LOC400499: variants seen among roughly 807,000 people sequenced by gnomAD.
the LOC400499 span, among the ~76,000 whole-genome samples, chr16:11,445,681 GA>G: frequency 6.6e-6 from 1 of 152,186 alleles, no homozygotes; most frequent in Non-Finnish European, 1.5e-5. Context: ...GGGCTGAGGG[GA>G]CAGGACTGGG....
At chr16:11,416,816 G>A in the LOC400499 span, among the ~76,000 whole-genome samples, 2 of 152,110 alleles carry the variant, frequency 1.3e-5, no homozygotes, top group Non-Finnish European at 2.9e-5. Context: ...TCCTGGGGCC[G>A]CAGCAAGCCT....
the LOC400499 span, among the ~76,000 whole-genome samples, chr16:11,467,582 A>G: frequency 3.9e-5 from 6 of 152,176 alleles, no homozygotes; most frequent in Non-Finnish European, 7.3e-5. Flanking sequence ...TCTGCACTCC[A>G]GCCTGAGTGA....
chr16:11,418,976 G>A, the LOC400499 span, among the ~76,000 whole-genome samples: 1 of 152,104 alleles, frequency 6.6e-6, no homozygotes, highest in Non-Finnish European at 1.5e-5. Flanking sequence ...GACCATCCTG[G>A]CCAACAAGGC....
At chr16:11,493,044 G>C in the LOC400499 span, among the ~76,000 whole-genome samples, 4 of 152,138 alleles carry the variant, frequency 2.6e-5, no homozygotes, top group African/African-American at 7.2e-5. Context: ...GTTTGAGGAA[G>C]AACAGAAAGG....
the LOC400499 span, chr16:11,435,568 G>A: frequency 5.0e-6 from 2 of 398,312 alleles, no homozygotes; most frequent in African/African-American, 4.1e-5. Context: ...ACAGAAGAGG[G>A]GCCTCTGAGT....
At chr16:11,480,572 T>C in the LOC400499 span, among the ~76,000 whole-genome samples, 3 of 152,192 alleles carry the variant, frequency 2.0e-5, no homozygotes, top group Middle Eastern at 3.2e-3. Flanking sequence ...GGATGAATAT[T>C]AAAATACCTG....
chr16:11,491,163 G>C, the LOC400499 span, among the ~76,000 whole-genome samples: 6 of 152,200 alleles, frequency 3.9e-5, no homozygotes, highest in Admixed American at 3.3e-4. Context: ...GGAAGGAAGA[G>C]GTGAAGCTGG....
At chr16:11,426,876 G>C in the LOC400499 span, among the ~76,000 whole-genome samples, 1 of 110,434 alleles carries the variant, frequency 9.1e-6, no homozygotes, top group Non-Finnish European at 1.7e-5. Context: ...CAGTCTGGGC[G>C]ACAGAACAAG....
chr16:11,449,186 C>G, the LOC400499 span: 29 of 1,247,474 alleles, frequency 2.3e-5, no homozygotes, highest in Non-Finnish European at 3.1e-5. Flanking sequence ...CATCTCTTTC[C>G]TGCTTGGTGA....
the LOC400499 span, among the ~76,000 whole-genome samples, chr16:11,441,566 A>G: frequency 6.6e-6 from 1 of 152,204 alleles, no homozygotes; most frequent in Admixed American, 6.5e-5. Flanking sequence ...GAACCTGTCA[A>G]TATGTGACCT....
the LOC400499 span, among the ~76,000 whole-genome samples, chr16:11,459,204 T>C: frequency 7.0e-6 from 1 of 142,836 alleles, no homozygotes; most frequent in Non-Finnish European, 1.5e-5. Context: ...TTTTTTTTTT[T>C]TTTTTTTTTT....
At chr16:11,471,561 G>C in the LOC400499 span, 2 of 398,740 alleles carry the variant, frequency 5.0e-6, no homozygotes, top group Admixed American at 4.4e-5. Flanking sequence ...CAGCCCCAGA[G>C]AGGAGCCCCA....
the LOC400499 span, among the ~76,000 whole-genome samples, chr16:11,401,570 A>G: frequency 2.0e-5 from 3 of 151,890 alleles, no homozygotes; most frequent in Non-Finnish European, 4.4e-5. Flanking sequence ...AGCTCAGTCC[A>G]TTTCACAGAG....
At chr16:11,519,456 G>A in the LOC400499 span, among the ~76,000 whole-genome samples, 1 of 152,048 alleles carries the variant, frequency 6.6e-6, no homozygotes, top group Admixed American at 6.6e-5. Context: ...ATTTAATAGA[G>A]CCGGTCACAG....
the LOC400499 span, among the ~76,000 whole-genome samples, chr16:11,452,201 G>GTTTTTTTTTTTTTTTTTTTTTTTT: frequency 1.3e-5 from 1 of 77,198 alleles, no homozygotes; most frequent in African/African-American, 4.2e-5. Context: ...CAGTTTTTTT[G>GTTTTTTTTTTTTTTTTTTTTTTTT]TTTGTTTTTT....
At chr16:11,405,725 G>A in the LOC400499 span, among the ~76,000 whole-genome samples, 1 of 152,112 alleles carries the variant, frequency 6.6e-6, no homozygotes, top group East Asian at 1.9e-4. Flanking sequence ...CCCATTATGG[G>A]GCTTCCTCAC....
chr16:11,508,871 G>T, the LOC400499 span: 1 of 399,076 alleles, frequency 2.5e-6, no homozygotes, highest in Non-Finnish European at 4.4e-6. Context: ...ATGGTAAGAG[G>T]TGGATGGGAT....
chr16:11,397,058 A>C, the LOC400499 span, among the ~76,000 whole-genome samples: 3 of 152,216 alleles, frequency 2.0e-5, no homozygotes, highest in East Asian at 5.8e-4. Flanking sequence ...CCCTGACCAT[A>C]GACCATGCAT....
chr16:11,407,179 C>G, the LOC400499 span: 2 of 398,904 alleles, frequency 5.0e-6, no homozygotes, highest in Non-Finnish European at 8.8e-6. Flanking sequence ...GTGCTCCGGC[C>G]CTGGGCTGAC....
Sources: gnomAD v4.1 joint callset for allele counts (sites outside exome capture counted in the v4.1 genomes callset) on GRCh38, gnomAD v4.1.1 for gene constraint, MANE v1.5 for transcripts.